Variants in ADGRB3 observed in about 807,000 individuals in gnomAD.
The protein encoded by ADGRB3 is brain-specific angiogenesis inhibitor 3.
Under a neutral mutation model 193.4 loss-of-function variants are expected in ADGRB3, and 37 were observed. The observed-to-expected ratio is 0.19, with a 90% confidence interval of 0.15 to 0.25. The LOEUF (loss-of-function observed/expected upper bound fraction) is 0.25. Among genes scored for constraint, ADGRB3 ranks in the 10% least tolerant of loss-of-function variants. The pLI is 1.00. For missense variants in ADGRB3, 1,637 were observed against 1,852.9 expected (o/e 0.88, Z 2.14); for synonymous variants, 690 against 644.2 (o/e 1.07, Z -1.08).
chr6:69,198,664 C>T (rs927373935), intron 17 of ADGRB3, among the ~76,000 whole-genome samples: 1 of 151,930 alleles, frequency 6.6e-6, no homozygotes, highest in African/African-American at 2.4e-5. Context: ...CACAAGGAAA[C>T]AGTTGGAAGA....
intron 3 of ADGRB3, among the ~76,000 whole-genome samples, chr6:68,672,755 AT>A (rs983828757): frequency 3.3e-5 from 5 of 152,026 alleles, no homozygotes; most frequent in Non-Finnish European, 1.5e-5. Context: ...CTGGGAAGGT[AT>A]TTTTTTAAAT....
chr6:68,755,001 A>G (rs987723941), intron 3 of ADGRB3, among the ~76,000 whole-genome samples: 1 of 152,176 alleles, frequency 6.6e-6, no homozygotes, highest in Non-Finnish European at 1.5e-5. Context: ...GGATGGGTGC[A>G]TGTCTGCATA....
At chr6:69,109,102 CTT>C (rs767128608) in intron 17 of ADGRB3, among the ~76,000 whole-genome samples, 1 of 152,160 alleles carries the variant, frequency 6.6e-6, no homozygotes, top group Non-Finnish European at 1.5e-5. Flanking sequence ...TGATTTATCT[CTT>C]AATAAAACTA....
At chr6:68,979,497 T>C (rs1768846225) in intron 10 of ADGRB3, among the ~76,000 whole-genome samples, 1 of 151,520 alleles carries the variant, frequency 6.6e-6, no homozygotes, top group Non-Finnish European at 1.5e-5. Context: ...AATGTTGTTT[T>C]TTAAAAAAGA....
chr6:69,250,191 T>A (rs1306720838), intron 20 of ADGRB3, among the ~76,000 whole-genome samples: 1 of 152,230 alleles, frequency 6.6e-6, no homozygotes, highest in East Asian at 1.9e-4. Flanking sequence ...AGGTTTTGAA[T>A]GGATCTTATT....
intron 28 of ADGRB3, among the ~76,000 whole-genome samples, chr6:69,356,276 C>T (rs1769335940): frequency 6.6e-6 from 1 of 152,112 alleles, no homozygotes; most frequent in Non-Finnish European, 1.5e-5. Context: ...TTGCTTTGAT[C>T]TACAGGCAGA....
intron 17 of ADGRB3, among the ~76,000 whole-genome samples, chr6:69,160,580 CT>C (rs1185015378): frequency 1.3e-5 from 2 of 152,070 alleles, no homozygotes; most frequent in African/African-American, 4.8e-5. Context: ...ATCATATCAT[CT>C]TATTATCATC....
chr6:68,649,417 C>G (rs1768293131), intron 3 of ADGRB3, among the ~76,000 whole-genome samples: 1 of 151,996 alleles, frequency 6.6e-6, no homozygotes, highest in Non-Finnish European at 1.5e-5. Context: ...TTAAAATTAC[C>G]TGATATTTAT....
chr6:68,985,442 C>T (rs1769042029), intron 10 of ADGRB3, among the ~76,000 whole-genome samples: 1 of 152,098 alleles, frequency 6.6e-6, no homozygotes, highest in Admixed American at 6.6e-5. Context: ...AGCATCATAC[C>T]ATCACAAAAC....
intron 28 of ADGRB3, among the ~76,000 whole-genome samples, chr6:69,356,383 T>A (rs7749882): frequency 0.55 from 84,209 of 151,856 alleles, 25,469 homozygotes; most frequent in East Asian, 0.84. Flanking sequence ...ATCAAAATGG[T>A]GGATTAGCAT....
At chr6:69,050,001 T>C (rs752161134) in intron 15 of ADGRB3, among the ~76,000 whole-genome samples, 1 of 152,222 alleles carries the variant, frequency 6.6e-6, no homozygotes, top group Non-Finnish European at 1.5e-5. Context: ...ACTTGGATTG[T>C]GATGTTATCA....
chr6:69,072,636 A>G (rs1392823883), intron 16 of ADGRB3, among the ~76,000 whole-genome samples: 3 of 152,170 alleles, frequency 2.0e-5, no homozygotes, highest in Non-Finnish European at 4.4e-5. Flanking sequence ...AATCTACATT[A>G]TACATCATTA....
chr6:69,206,045 G>GTGTATATATATATA (rs1327162820), intron 17 of ADGRB3, among the ~76,000 whole-genome samples: 31 of 99,928 alleles, frequency 3.1e-4, no homozygotes, highest in African/African-American at 8.4e-4. Flanking sequence ...TATAATAATG[G>GTGTATATATATATA]TATATATATA....
chr6:69,233,458 G>T (rs2127257341), intron 18 of ADGRB3, 42 bp downstream of exon 18: 1 of 1,610,872 alleles, frequency 6.2e-7, no homozygotes, highest in East Asian at 2.2e-5. Flanking sequence ...GCAAAGACAG[G>T]GATATTGTGG....
intron 22 of ADGRB3, among the ~76,000 whole-genome samples, chr6:69,328,224 G>C (rs748916825): frequency 5.3e-5 from 8 of 152,136 alleles, no homozygotes; most frequent in Non-Finnish European, 1.2e-4. Context: ...ACGTGGTGCT[G>C]CTATGAGCTT....
chr6:69,170,627 T>G (rs898503674), intron 17 of ADGRB3, among the ~76,000 whole-genome samples: 1 of 152,184 alleles, frequency 6.6e-6, no homozygotes, highest in Non-Finnish European at 1.5e-5. Flanking sequence ...TTAAAACATG[T>G]AAACAATTCA....
intron 11 of ADGRB3, among the ~76,000 whole-genome samples, chr6:69,002,870 A>T (rs1388009715): frequency 6.6e-6 from 1 of 152,128 alleles, no homozygotes; most frequent in African/African-American, 2.4e-5. Context: ...TCTGCTCAAG[A>T]GGCATTGTGT....
At chr6:69,068,970 A>G (rs557200890) in intron 16 of ADGRB3, among the ~76,000 whole-genome samples, 20 of 152,216 alleles carry the variant, frequency 1.3e-4, no homozygotes, top group African/African-American at 4.3e-4. Flanking sequence ...CTAGTTTTCA[A>G]TGTGATGAGA....
intron 17 of ADGRB3, among the ~76,000 whole-genome samples, chr6:69,081,845 C>G (rs974661439): frequency 6.6e-6 from 1 of 151,924 alleles, no homozygotes; most frequent in Admixed American, 6.6e-5. Flanking sequence ...TATTAGCAAC[C>G]CATTATGTCC....
Sources: gnomAD v4.1 joint callset for allele counts (sites outside exome capture counted in the v4.1 genomes callset) on GRCh38, gnomAD v4.1.1 for gene constraint, MANE v1.5 for transcripts, NCBI Gene and HGNC (gene_info 2026-07-23, HGNC 2026-07-21) for gene names.